The following HERC4 variants were observed in gnomAD, a reference collection of about 807,000 sequenced individuals.
HERC4 encodes probable E3 ubiquitin-protein ligase HERC4.
HERC4 carries 28 observed loss-of-function variants against 124.3 expected under a neutral mutation model. The observed-to-expected ratio is 0.23, with a 90% CI of 0.17 to 0.31. HERC4 has a LOEUF of 0.31. Ranked by LOEUF, HERC4 falls within the 10% of genes least tolerant of loss-of-function variation. HERC4 has a pLI of 1.00. For missense variants in HERC4, 713 were observed against 1,229.3 expected, an observed-to-expected ratio of 0.58 and a Z score of 6.28; for synonymous variants, 407 against 421.5, an observed-to-expected ratio of 0.97 and a Z score of 0.42.
Position 67,945,329 on chromosome 10 carries a change from C to G in HERC4, c.2338-4224G>C, listed in dbSNP as rs370254179. On this transcript the variant is annotated intron_variant, in intron 19 of 24. Transcript: ENST00000373700. ...CAGTGCTGAAGGAAAAAACTTTTATCCTAGAATAGTATGTATATCCAGTGA... is the reference window on the plus strand; with the variant it reads ...CAGTGCTGAAGGAAAAAACTTTTATGCTAGAATAGTATGTATATCCAGTGA... 2.4e-4 allele frequency among the ~76,000 whole-genome samples: 36 copies of G among 152,228 alleles called. No homozygotes were observed. The East Asian group carries it at 6.4e-3, about 27-fold the overall frequency.
intron 23 of HERC4, among the ~76,000 whole-genome samples, chr10:67,927,430 A>ATATATATTT (rs1564911511): frequency 7.9e-5 from 3 of 37,910 alleles, no homozygotes; most frequent in African/African-American, 1.2e-4. Flanking sequence ...ATATATATAT[A>ATATATATTT]TTTTTTTTTT....
rs768132262 is a variant in HERC4, at chr10:68,014,002, A to G, written c.1069+24T>C. On this transcript the variant is annotated intron_variant, in intron 9 of 24. Transcript: ENST00000373700. ...AACAAGAACTTCAATATATGAAGGA[A>G]AGCTTTAATATGACAGAACTTACCA... is the stretch of plus-strand genomic sequence containing the variant. The G allele has an allele frequency of 2.7e-5, 41 of 1,528,786 alleles. No individual in the cohort carries two copies. In the South Asian group the frequency reaches 5.1e-4, roughly 19 times the overall value. 94.7% of individuals were successfully genotyped at this position (1,528,786 alleles called of 1,614,324 possible).
At chr10:67,984,298 T>C (rs2036126800) in intron 15 of HERC4, among the ~76,000 whole-genome samples, 1 of 132,104 alleles carries the variant, frequency 7.6e-6, no homozygotes, top group Non-Finnish European at 1.5e-5. Flanking sequence ...TGAGACTCCA[T>C]CTCAAAAAAA....
chr10:68,022,330 T>C (rs936603386), intron 8 of HERC4, among the ~76,000 whole-genome samples: 3 of 151,968 alleles, frequency 2.0e-5, no homozygotes, highest in Admixed American at 2.0e-4. Flanking sequence ...AGAAACCCCA[T>C]CTCTACTAAA....
At chr10:67,924,045 C>CAAAAAG (rs745584499) in intron 24 of HERC4, among the ~76,000 whole-genome samples, 3 of 151,366 alleles carry the variant, frequency 2.0e-5, no homozygotes, top group Non-Finnish European at 4.4e-5. Flanking sequence ...AGTCTTGAAG[C>CAAAAAG]AAAAAGAAAA....
chr10:67,955,039 C>T lies in HERC4; in HGVS notation c.2117G>A (p.Arg706His), dbSNP rs551161134. 1.8e-5 allele frequency: 29 copies of T among 1,598,872 alleles called. No individual in the cohort carries two copies. Among genetic ancestry groups the T allele is most frequent in the Non-Finnish European group, 2.0e-5 (24 of 1,174,842 alleles). ...SVNPCLILVV[R>H]RENIVGDAME... ...TGCATCTCCTACAATATTTTCTCTACGCACCACTAGAATTAAGCAGGGATT... is the reference window on the plus strand; with the variant it reads ...TGCATCTCCTACAATATTTTCTCTATGCACCACTAGAATTAAGCAGGGATT... The change falls in exon 18 of 25, where the codon CGT becomes CAT. Residue 706 changes from arginine (R) to histidine (H), a missense_variant. Transcript: ENST00000373700.
intron 23 of HERC4, among the ~76,000 whole-genome samples, chr10:67,932,182 C>T (rs1346735472): frequency 6.6e-6 from 1 of 152,150 alleles, no homozygotes; most frequent in East Asian, 1.9e-4. Flanking sequence ...GTCTTGAACA[C>T]CTGACCTCAC....
At chr10:67,951,825 C>G (rs893675055) in intron 19 of HERC4, among the ~76,000 whole-genome samples, 2 of 152,176 alleles carry the variant, frequency 1.3e-5, no homozygotes, top group African/African-American at 4.8e-5. Flanking sequence ...AAACCTTCCA[C>G]AATTCCTTCA....
chr10:67,925,385 T>C (rs1188050991), intron 23 of HERC4, among the ~76,000 whole-genome samples, 198 bp from the exon 24 acceptor site: 1 of 152,178 alleles, frequency 6.6e-6, no homozygotes, highest in African/African-American at 2.4e-5. Flanking sequence ...AAATCTTTCC[T>C]AGCACTTCAA....
intron 18 of HERC4, 100 bp downstream of exon 18, chr10:67,954,859 TTTTA>T (rs2034039570): frequency 1.2e-5 from 14 of 1,213,014 alleles, no homozygotes; most frequent in Admixed American, 3.2e-5. Flanking sequence ...ATAAATATAA[TTTTA>T]TTTATTAAGT....
At chr10:68,036,635 C>A (rs2039487000) in intron 5 of HERC4, among the ~76,000 whole-genome samples, 1 of 152,140 alleles carries the variant, frequency 6.6e-6, no homozygotes, top group Non-Finnish European at 1.5e-5. Context: ...TCCCTCACAA[C>A]ACCCACATAA....
At chr10:67,924,984 C>G (rs1240523408) in intron 24 of HERC4, 101 bp downstream of exon 24, 4 of 654,088 alleles carry the variant, frequency 6.1e-6, no homozygotes, top group Non-Finnish European at 8.0e-6. Flanking sequence ...GCAGATAGTT[C>G]TGTTTCAAAA....
intron 15 of HERC4, among the ~76,000 whole-genome samples, chr10:67,978,495 C>T (rs572308995): frequency 3.3e-5 from 5 of 152,308 alleles, no homozygotes; most frequent in African/African-American, 7.2e-5. Context: ...CACTCTAGTC[C>T]CTGGCTCCCA....
At chr10:67,928,117 C>T (rs1336594119) in intron 23 of HERC4, among the ~76,000 whole-genome samples, 1 of 151,982 alleles carries the variant, frequency 6.6e-6, no homozygotes, top group Non-Finnish European at 1.5e-5. Flanking sequence ...AAACAAACGC[C>T]CTAAGACTGG....
chr10:67,990,858 C>A, intron 13 of HERC4, 46 bp downstream of exon 13: 3 of 1,296,446 alleles, frequency 2.3e-6, no homozygotes, highest in African/African-American at 1.5e-5. Context: ...CAAAAGAAAA[C>A]AAAATCAACA....
At chr10:68,034,318 A>G in intron 5 of HERC4, 132 bp from the exon 6 acceptor site, 1 of 665,486 alleles carries the variant, frequency 1.5e-6, no homozygotes, top group Non-Finnish European at 2.5e-6. Flanking sequence ...TCAAAAGAAT[A>G]TAAATATTAT....
At chr10:68,009,727 T>C (rs1394654628) in intron 9 of HERC4, among the ~76,000 whole-genome samples, 1 of 152,204 alleles carries the variant, frequency 6.6e-6, no homozygotes, top group Non-Finnish European at 1.5e-5. Context: ...TGCTGCATGA[T>C]AGCATTTTAC....
At chr10:67,991,313 C>A (rs2036538281) in intron 11 of HERC4, 114 bp from the exon 12 acceptor site, 2 of 509,076 alleles carry the variant, frequency 3.9e-6, no homozygotes, top group South Asian at 9.8e-5. Flanking sequence ...CTACAGAGCA[C>A]TCCTCTAACA....
At chr10:67,986,564 C>T (rs975834531) in intron 15 of HERC4, among the ~76,000 whole-genome samples, 1 of 151,964 alleles carries the variant, frequency 6.6e-6, no homozygotes, top group Non-Finnish European at 1.5e-5. Flanking sequence ...ACCATGTTGG[C>T]CAGGTTGGTC....
Sources: gnomAD v4.1 joint callset for allele counts (sites outside exome capture counted in the v4.1 genomes callset) on GRCh38, gnomAD v4.1.1 for gene constraint, MANE v1.5 for transcripts, NCBI Gene and HGNC (gene_info 2026-07-23, HGNC 2026-07-21) for gene names.